SCRG1: variants seen among roughly 807,000 people sequenced by gnomAD.
SCRG1 encodes stimulator of chondrogenesis 1.
SCRG1 carries 3 observed loss-of-function variants against 7.7 expected under a neutral mutation model. The observed-to-expected ratio is 0.39, with a 90% CI of 0.18 to 1.01. The LOEUF (loss-of-function observed/expected upper bound fraction) is 1.01, where lower values mean the gene tolerates loss of function less well. SCRG1 is among the 50% of genes least tolerant of loss of function. The pLI, the probability that SCRG1 is intolerant of heterozygous loss-of-function variation, is 0.36. For missense variants in SCRG1, 110 were observed against 117.2 expected, an observed-to-expected ratio of 0.94 and a Z score of 0.28; for synonymous variants, 46 against 41.2, an observed-to-expected ratio of 1.12 and a Z score of -0.44.
chr4:173,483,242 GATATA>G, the SCRG1 span, among the ~76,000 whole-genome samples: 5 of 55,946 alleles, frequency 8.9e-5, no homozygotes, highest in African/African-American at 4.1e-4. Flanking sequence ...TATAATATAT[GATATA>G]TCATATATGA....
At chr4:173,392,571 A>C (rs1426839943) in intron 1 of SCRG1, among the ~76,000 whole-genome samples, 1 of 152,242 alleles carries the variant, frequency 6.6e-6, no homozygotes, top group Non-Finnish European at 1.5e-5. Flanking sequence ...TTTGCATAGA[A>C]GTATAGAATA....
chr4:173,503,356 G>C, the SCRG1 span, among the ~76,000 whole-genome samples: 1 of 152,208 alleles, frequency 6.6e-6, no homozygotes, highest in East Asian at 1.9e-4. This position sits in a 1 kb window ranked among gnomAD's most constrained non-coding sequence, Gnocchi z 6.4. Flanking sequence ...CTGAAGAGCA[G>C]AAGCCAGAAC....
upstream of SCRG1, among the ~76,000 whole-genome samples, chr4:173,408,871 T>G (rs935173138): frequency 9.3e-5 from 14 of 151,296 alleles, no homozygotes; most frequent in Non-Finnish European, 1.9e-4. Flanking sequence ...CGGGCGCCTG[T>G]GGTCCCAGCT....
the SCRG1 span, among the ~76,000 whole-genome samples, chr4:173,514,224 T>A: frequency 6.6e-6 from 1 of 152,178 alleles, no homozygotes; most frequent in Non-Finnish European, 1.5e-5. Flanking sequence ...GACTTGTCAG[T>A]TTAAAGCCAT....
At chr4:173,443,000 G>A in the SCRG1 span, among the ~76,000 whole-genome samples, 4 of 152,066 alleles carry the variant, frequency 2.6e-5, no homozygotes, top group African/African-American at 7.2e-5. Flanking sequence ...AATGCTTGGG[G>A]GCATAATAGT....
chr4:173,432,317 CCCTT>C, the SCRG1 span, among the ~76,000 whole-genome samples: 173 of 123,448 alleles, frequency 1.4e-3, no homozygotes, highest in East Asian at 7.3e-3. Context: ...CTCCCTCCTT[CCCTT>C]CCTTCCTTCC....
At chr4:173,450,001 CTG>C in the SCRG1 span, among the ~76,000 whole-genome samples, 1 of 152,188 alleles carries the variant, frequency 6.6e-6, no homozygotes, top group East Asian at 1.9e-4. Flanking sequence ...TGGTATTAGA[CTG>C]TTTTCACACT....
At chr4:173,409,493 C>T (rs1222741843), upstream of SCRG1, among the ~76,000 whole-genome samples, 1 of 152,110 alleles carries the variant, frequency 6.6e-6, no homozygotes, top group Non-Finnish European at 1.5e-5. Flanking sequence ...CTGTATCCTT[C>T]CAGGTTGTGA....
the SCRG1 span, among the ~76,000 whole-genome samples, chr4:173,494,031 C>G: frequency 2.0e-5 from 3 of 152,172 alleles, no homozygotes; most frequent in Non-Finnish European, 4.4e-5. Context: ...GAATAGATTC[C>G]TACCCTCAGC....
chr4:173,407,271 C>A (rs1236315811), upstream of SCRG1, among the ~76,000 whole-genome samples: 1 of 149,556 alleles, frequency 6.7e-6, no homozygotes. Flanking sequence ...AATCCCAGCA[C>A]TTTAGGAGGC....
chr4:173,512,034 C>G, the SCRG1 span, among the ~76,000 whole-genome samples: 1 of 152,156 alleles, frequency 6.6e-6, no homozygotes, highest in Non-Finnish European at 1.5e-5. Context: ...ACTCTCTGAC[C>G]CTGCCAATTC....
At chr4:173,467,749 T>C in the SCRG1 span, 1 of 152,184 alleles carries the variant, frequency 6.6e-6, no homozygotes, top group Non-Finnish European at 1.5e-5. Context: ...TGTGTTCTGA[T>C]GTCCCAATTA....
chr4:173,421,438 A>AT, the SCRG1 span, among the ~76,000 whole-genome samples: 8 of 150,908 alleles, frequency 5.3e-5, no homozygotes, highest in Non-Finnish European at 1.2e-4. Flanking sequence ...GATTTGTTGC[A>AT]TTTTTTTATG....
the SCRG1 span, among the ~76,000 whole-genome samples, chr4:173,484,200 T>TAA: frequency 2.3e-3 from 204 of 89,460 alleles, 4 homozygotes; most frequent in East Asian, 9.5e-3. Context: ...ATATTATATA[T>TAA]TATATATATT....
At chr4:173,502,314 G>T in the SCRG1 span, among the ~76,000 whole-genome samples, 3 of 152,302 alleles carry the variant, frequency 2.0e-5, no homozygotes, top group African/African-American at 7.2e-5. This position sits in a 1 kb window ranked among gnomAD's most constrained non-coding sequence, Gnocchi z 4.6. Context: ...CAACCAGGCA[G>T]GTGGGGGTAG....
chr4:173,456,516 G>A, the SCRG1 span, among the ~76,000 whole-genome samples: 35 of 152,106 alleles, frequency 2.3e-4, 1 homozygote, highest in South Asian at 7.1e-3. Context: ...TAACACACAC[G>A]TGCATACACA....
chr4:173,436,389 C>T, the SCRG1 span, among the ~76,000 whole-genome samples: 306 of 152,326 alleles, frequency 2.0e-3, 2 homozygotes, highest in African/African-American at 7.0e-3. Context: ...GACTGATGCT[C>T]TTACCACCCA....
the SCRG1 span, among the ~76,000 whole-genome samples, chr4:173,461,055 A>G: frequency 6.6e-6 from 1 of 152,176 alleles, no homozygotes; most frequent in African/African-American, 2.4e-5. Flanking sequence ...GCCACAATAC[A>G]ATAAAATACC....
the SCRG1 span, among the ~76,000 whole-genome samples, chr4:173,452,962 G>C: frequency 6.6e-6 from 1 of 152,204 alleles, no homozygotes; most frequent in Admixed American, 6.5e-5. Flanking sequence ...AAAGGTCTGA[G>C]ATTTTTACCC....
Sources: allele counts gnomAD v4.1 joint callset (sites outside exome capture counted in the v4.1 genomes callset), GRCh38; gene constraint gnomAD v4.1.1; non-coding constraint Gnocchi (gnomAD v3.1); transcripts MANE v1.5; gene names NCBI Gene and HGNC (gene_info 2026-07-23, HGNC 2026-07-21).